The following LMBR1 variants were observed in gnomAD, a reference collection of about 807,000 sequenced individuals.
LMBR1 encodes limb development membrane protein 1.
LMBR1 carries 52 observed loss-of-function variants against 73.9 expected under a neutral mutation model. The ratio of observed to expected loss-of-function variants is 0.70; its 90% confidence interval spans 0.56 to 0.89. LMBR1 has a LOEUF of 0.89. LMBR1 is among the 40% of genes least tolerant of loss of function. LMBR1 has a pLI of 0.00. For synonymous variants in LMBR1, 215 were observed against 209.4 expected, an observed-to-expected ratio of 1.03 and a Z score of -0.23; for missense variants, 539 against 579.8, an observed-to-expected ratio of 0.93 and a Z score of 0.72.
chr7:156,869,653 T>C (rs1349912349), intron 1 of LMBR1, among the ~76,000 whole-genome samples: 1 of 152,170 alleles, frequency 6.6e-6, no homozygotes, highest in African/African-American at 2.4e-5. Context: ...AGTAAAATTC[T>C]TCCCTATCAA....
chr7:156,782,394 T>C (rs1827303158), intron 5 of LMBR1, among the ~76,000 whole-genome samples: 1 of 152,192 alleles, frequency 6.6e-6, no homozygotes. Context: ...AATCGTCATA[T>C]TGTTTTCCAC....
At chr7:156,761,925 C>A (rs1220706385) in intron 8 of LMBR1, among the ~76,000 whole-genome samples, 1 of 145,522 alleles carries the variant, frequency 6.9e-6, no homozygotes, top group Non-Finnish European at 1.5e-5. Context: ...TGCAGTGAGC[C>A]GAGATCGCAC....
intron 1 of LMBR1, among the ~76,000 whole-genome samples, chr7:156,858,072 CAAA>C (rs764584626): frequency 6.7e-5 from 4 of 59,714 alleles, no homozygotes; most frequent in Non-Finnish European, 1.5e-4. Flanking sequence ...CCAAAGTAAG[CAAA>C]AAAAAAAAAA....
At position 156,888,212 on chromosome 7, in the gene LMBR1, C is replaced by T. The variant is rs185499101; in HGVS notation, c.66+4716G>A. On this transcript the variant is annotated intron_variant, in intron 1 of 16. Transcript: ENST00000353442. ...AATCACGAGGTCAGGAGATCAAGAC[C>T]TTCCTGGCTAACATGGTGAAACCCC... 8.4e-3 allele frequency among the ~76,000 whole-genome samples: 1,278 copies of T among 151,570 alleles called. 24 individuals are homozygous for T. The highest frequency in any genetic ancestry group is 0.03 in the African/African-American group (1,231 of 41,308).
intron 1 of LMBR1, among the ~76,000 whole-genome samples, chr7:156,847,104 A>G (rs1446843100): frequency 6.6e-6 from 1 of 152,220 alleles, no homozygotes; most frequent in Admixed American, 6.5e-5. Flanking sequence ...AGATCCACAG[A>G]AAAGACAGCC....
chr7:156,736,252 C>T (rs1385231561), intron 9 of LMBR1, among the ~76,000 whole-genome samples: 1 of 152,042 alleles, frequency 6.6e-6, no homozygotes, highest in Non-Finnish European at 1.5e-5. Context: ...GAAGAAAGGG[C>T]AATAGATGCT....
At chr7:156,715,855 T>C (rs1320220657) in intron 15 of LMBR1, among the ~76,000 whole-genome samples, 4 of 152,238 alleles carry the variant, frequency 2.6e-5, no homozygotes, top group Non-Finnish European at 4.4e-5. Flanking sequence ...TTTCCACCTC[T>C]TGGCTACTGT....
At chr7:156,706,152 AAC>A (rs748211567) in intron 15 of LMBR1, among the ~76,000 whole-genome samples, 4 of 150,522 alleles carry the variant, frequency 2.7e-5, no homozygotes, top group Non-Finnish European at 4.4e-5. Flanking sequence ...TTAAATCAAA[AAC>A]AGTTAAAAAA....
chr7:156,688,630 G>A (rs988820917), intron 15 of LMBR1, among the ~76,000 whole-genome samples: 1 of 152,032 alleles, frequency 6.6e-6, no homozygotes, highest in African/African-American at 2.4e-5. Flanking sequence ...CTGCTCTCTG[G>A]AGGAACTGCC....
At chr7:156,749,849 C>T (rs896095558) in intron 9 of LMBR1, among the ~76,000 whole-genome samples, 1 of 151,968 alleles carries the variant, frequency 6.6e-6, no homozygotes, top group Non-Finnish European at 1.5e-5. Flanking sequence ...GCCACCACAC[C>T]CCCTAATTTT....
At chr7:156,772,293 C>T (rs930950930) in intron 5 of LMBR1, among the ~76,000 whole-genome samples, 20 of 152,080 alleles carry the variant, frequency 1.3e-4, no homozygotes, top group African/African-American at 4.3e-4. Context: ...ACCACATGAT[C>T]ATCTCAACGG....
chr7:156,833,486 T>C, intron 3 of LMBR1: 1 of 411,000 alleles, frequency 2.4e-6, no homozygotes. Flanking sequence ...TCTTCTTTCT[T>C]ATGACCAAGC....
intron 1 of LMBR1, among the ~76,000 whole-genome samples, chr7:156,847,962 G>C (rs1795725328): frequency 6.6e-6 from 1 of 151,912 alleles, no homozygotes; most frequent in Non-Finnish European, 1.5e-5. Flanking sequence ...AACTTGCACA[G>C]GAATGTTTAT....
At chr7:156,883,082 T>C (rs952737777) in intron 1 of LMBR1, among the ~76,000 whole-genome samples, 1 of 151,190 alleles carries the variant, frequency 6.6e-6, no homozygotes, top group Non-Finnish European at 1.5e-5. Flanking sequence ...TTAGGTATTC[T>C]TACTGCAATA....
At chr7:156,852,746 G>A (rs1445589408) in intron 1 of LMBR1, among the ~76,000 whole-genome samples, 1 of 152,156 alleles carries the variant, frequency 6.6e-6, no homozygotes, top group East Asian at 1.9e-4. Context: ...AGCATCTGGG[G>A]TCAGAGAACA....
At chr7:156,797,772 TAATAA>T (rs1563384645) in intron 4 of LMBR1, among the ~76,000 whole-genome samples, 1 of 152,334 alleles carries the variant, frequency 6.6e-6, no homozygotes, top group East Asian at 1.9e-4. Flanking sequence ...CAAGGTAATA[TAATAA>T]AATCAACTCA....
intron 1 of LMBR1, among the ~76,000 whole-genome samples, chr7:156,837,845 G>A (rs998407852): frequency 2.7e-5 from 4 of 146,786 alleles, no homozygotes; most frequent in African/African-American, 1.0e-4. Flanking sequence ...GGAGTACAGT[G>A]GCACAATATT....
At chr7:156,892,340 T>C (rs1803170056) in intron 1 of LMBR1, 1 of 151,996 alleles carries the variant, frequency 6.6e-6, no homozygotes, top group Admixed American at 6.5e-5. Flanking sequence ...GGGCAGGAGG[T>C]GTTGACCGGG....
intron 5 of LMBR1, 143 bp downstream of exon 5, chr7:156,796,246 T>C (rs1585846622): frequency 1.7e-6 from 1 of 598,322 alleles, no homozygotes; most frequent in Non-Finnish European, 3.0e-6. Context: ...TTACTGTTAT[T>C]GTTAACAATG....
Sources: allele counts gnomAD v4.1 joint callset (sites outside exome capture counted in the v4.1 genomes callset), GRCh38; gene constraint gnomAD v4.1.1; transcripts MANE v1.5; gene names NCBI Gene and HGNC (gene_info 2026-07-23, HGNC 2026-07-21).